Variants in CRYBG1 observed in about 807,000 individuals in gnomAD.
CRYBG1 encodes the protein beta/gamma crystallin domain-containing protein 1.
In CRYBG1, 139 loss-of-function variants were observed where a neutral mutation model predicts 189.2. The ratio of observed to expected loss-of-function variants is 0.73; its 90% CI spans 0.64 to 0.85. The LOEUF is 0.85. Ranked by LOEUF, CRYBG1 falls within the 40% of genes least tolerant of loss-of-function variation. The probability of loss-of-function intolerance (pLI) is 0.00; values close to 1 mark genes in which losing one functional copy is unlikely to be tolerated. For missense variants in CRYBG1, 2,611 were observed against 2,675.8 expected, an observed-to-expected ratio of 0.98 and a Z score of 0.53; for synonymous variants, 1,023 against 1,017.1, an observed-to-expected ratio of 1.01 and a Z score of -0.11.
In CRYBG1 at chr6:106,465,295, A is replaced by G. The variant is rs376875964; in HGVS notation, c.312+13463A>G. 2.0e-5 allele frequency among the ~76,000 whole-genome samples: 3 copies of G among 152,352 alleles called. No homozygotes were observed. The East Asian group carries it at 5.8e-4, about 29-fold the overall frequency. On this transcript the variant is annotated intron_variant, in intron 2 of 21. Coordinates refer to ENST00000633556, the MANE Select transcript of CRYBG1 (RefSeq NM_001371242.2). ...GAAGTATAAAGCACTGAATATGGCC[A>G]AAAGACCAGAGTTGCGATTTCAGCT...
intron 8 of CRYBG1, among the ~76,000 whole-genome samples, chr6:106,534,845 G>T (rs999710091): frequency 6.6e-6 from 1 of 151,956 alleles, no homozygotes; most frequent in Non-Finnish European, 1.5e-5. Context: ...GTGGGGGGTG[G>T]TATATTTATG....
Position 106,512,441 on chromosome 6 carries a change from G to A in CRYBG1, c.1324G>A (p.Ala442Thr), listed in dbSNP as rs771272419. 4 of 1,610,192 alleles carry A rather than the reference G, an allele frequency of 2.5e-6. No individual in the cohort carries two copies. The African/African-American group carries it at 5.3e-5, about 21-fold the overall frequency. Residue 442 changes from alanine to threonine, a missense_variant, in exon 3 of 22, where the codon GCC (alanine) becomes ACC (threonine). Around this residue, in one of 3 missense-constraint regions of CRYBG1, gnomAD observed 985 missense variants for 924.4 expected, o/e 1.07. Coordinates refer to ENST00000633556, the MANE Select transcript of CRYBG1 (RefSeq NM_001371242.2). Reference protein sequence around the residue: ...GADAELPESAARDDAVFDDEV... With the variant: ...GADAELPESATRDDAVFDDEV... ...GGACGCCGAGCTCCCTGAGAGCGCT[G>A]CCAGGGACGACGCGGTGTTCGACGA...
rs564276719 is a variant in CRYBG1, at chr6:106,543,115, C to T, written c.4882-325C>T. On this transcript the variant is annotated intron_variant, in intron 10 of 21. Transcript: ENST00000633556. ...TGACGTGATCTCGGCTCACTTAACC[C>T]TCTGCCTCCTGAGTTCAAGCGGTTC... Among the ~76,000 whole-genome samples, 430 of 151,358 alleles carry T rather than the reference C, an allele frequency of 2.8e-3. 5 individuals carry two copies. Among genetic ancestry groups the T allele is most frequent in the African/African-American group, 9.9e-3 (409 of 41,216 alleles).
rs370373086 is a variant in CRYBG1, at chr6:106,480,992, T to TTTTTTTTTG, written c.312+29160_312+29161insTTTTTTTTG. Among the ~76,000 whole-genome samples the TTTTTTTTTG allele has an allele frequency of 6.6e-5, 2 of 30,334 alleles. 1 individual carries two copies. Among genetic ancestry groups the TTTTTTTTTG allele is most frequent in the African/African-American group, 3.2e-4 (2 of 6,248 alleles). 19.9% of individuals were successfully genotyped at this position (30,334 alleles called of 152,430 possible). On this transcript the variant is annotated intron_variant, in intron 2 of 21. Transcript: ENST00000633556. ...TCTTTTTTTTTTTTTTTTTTTTTTT[T>TTTTTTTTTG]AGACGGAGTCTCGCTCTGTCGCCCA...
chr6:106,482,579 T>G (rs565206980), intron 2 of CRYBG1, among the ~76,000 whole-genome samples: 27 of 152,072 alleles, frequency 1.8e-4, no homozygotes, highest in East Asian at 7.8e-4. Flanking sequence ...ATCGAGACCA[T>G]CCTGGCTAAC....
chr6:106,494,809 T>C lies in CRYBG1; in HGVS notation c.313-16621T>C, dbSNP rs142740431. On this transcript the variant is annotated intron_variant, in intron 2 of 21. Transcript: ENST00000633556. The stretch of plus-strand genomic sequence containing the variant: ...CACATTTTTGTAATGGCACATGGGA[T>C]GTAGTTTGTAGTGTATAATGTATAT... Among the ~76,000 whole-genome samples, 251 of 152,338 alleles carry C rather than the reference T, an allele frequency of 1.6e-3. 1 individual carries two copies. The highest frequency in any genetic ancestry group is 5.8e-3 in the African/African-American group (241 of 41,582).
intron 2 of CRYBG1, among the ~76,000 whole-genome samples, chr6:106,485,105 T>C (rs1414838701): frequency 6.6e-6 from 1 of 152,250 alleles, no homozygotes; most frequent in Non-Finnish European, 1.5e-5. Flanking sequence ...TTTAACAATA[T>C]TATTTCTTCC....
chr6:106,472,742 A>T (rs1465873466), intron 2 of CRYBG1, among the ~76,000 whole-genome samples: 1 of 113,280 alleles, frequency 8.8e-6, no homozygotes, highest in Non-Finnish European at 2.1e-5. Context: ...AAAATATTAA[A>T]AAAAAAAAAA....
chr6:106,365,826 G>A lies in CRYBG1; in HGVS notation c.173+4745G>A, dbSNP rs570392881. Among the ~76,000 whole-genome samples, 55 of 151,864 alleles carry A rather than the reference G, an allele frequency of 3.6e-4. No homozygotes were observed. The South Asian group carries it at 6.3e-3, about 17-fold the overall frequency. On this transcript the variant is annotated intron_variant, in intron 1 of 21. Transcript: ENST00000633556. Reference sequence around the variant, plus strand: ...CTCATAATCCTGTGAAAATCAGCTCGCCTTGTTTCAGTTGGAGGAAAAGTG... The same window carrying A: ...CTCATAATCCTGTGAAAATCAGCTCACCTTGTTTCAGTTGGAGGAAAAGTG...
chr6:106,382,693 T>C (rs950384792), intron 1 of CRYBG1, among the ~76,000 whole-genome samples: 11 of 152,230 alleles, frequency 7.2e-5, no homozygotes, highest in African/African-American at 2.7e-4. Flanking sequence ...TATAATTTTC[T>C]TTCATATTTT....
At chr6:106,538,876 C>G (rs993510639) in intron 8 of CRYBG1, among the ~76,000 whole-genome samples, 1 of 128,646 alleles carries the variant, frequency 7.8e-6, no homozygotes, top group African/African-American at 3.0e-5. Context: ...GCCTGGGTGA[C>G]AGAACAAGAC....
Position 106,558,499 on chromosome 6 carries a change from C to A in CRYBG1, c.5729C>A (p.Pro1910Gln). The part of the protein sequence containing the change: ...LRFIDVEFSE[P>Q]TIILFEREDF... ...GTTCCTCAACAGGAATTTTCTGAAC[C>A]AACAATTATTCTCTTTGAAAGAGAA... Residue 1910 changes from proline (P) to glutamine (Q), a missense_variant, in exon 18 of 22, where the codon CCA becomes CAA. Around this residue, in one of 3 missense-constraint regions of CRYBG1, gnomAD observed 1,622 missense variants for 1,735.0 expected, o/e 0.93. Transcript: ENST00000633556. The A allele has an allele frequency of 6.3e-7, 1 of 1,593,342 alleles. No individual in the cohort carries two copies. The highest frequency in any genetic ancestry group is 1.8e-5 in the Admixed American group (1 of 56,730).
In CRYBG1 at chr6:106,415,190, T is replaced by C. The variant is rs142424028; in HGVS notation, c.174-36504T>C. Among the ~76,000 whole-genome samples, 278 of 152,336 alleles carry C rather than the reference T, an allele frequency of 1.8e-3. 1 individual carries two copies. The highest frequency in any genetic ancestry group is 0.011 in the East Asian group (58 of 5,192). Reference sequence around the variant, plus strand: ...TCAGCTTCTTACTCGAATAAAATAATATGTTTCTCATGAAGATACATGTTT... The same window carrying C: ...TCAGCTTCTTACTCGAATAAAATAACATGTTTCTCATGAAGATACATGTTT... On this transcript the variant is annotated intron_variant, in intron 1 of 21. Transcript: ENST00000633556.
In CRYBG1 at chr6:106,527,381, C is replaced by G; in HGVS notation, c.4489C>G (p.Leu1497Val). Residue 1497 changes from leucine (L) to valine (V), a missense_variant, in exon 7 of 22, where the codon CTC (leucine) becomes GTC (valine). Physicochemically the swap from Leu to Val is conservative, Grantham distance 32. Around this residue, in one of 3 missense-constraint regions of CRYBG1, gnomAD observed 1,622 missense variants for 1,735.0 expected, o/e 0.93. Coordinates refer to ENST00000633556, the MANE Select transcript of CRYBG1 (RefSeq NM_001371242.2). ...LEEGELELSG[L>V]WGIEDILERH... ...AGAAGGAGAATTGGAACTCTCTGGT[C>G]TCTGGGGTATAGAAGACATTTTGGA... 2.5e-6 allele frequency: 4 copies of G among 1,613,754 alleles called. No individual in the cohort carries two copies. Among genetic ancestry groups the G allele is most frequent in the Non-Finnish European group, 3.4e-6 (4 of 1,179,804 alleles).
chr6:106,512,587 C>A lies in CRYBG1; in HGVS notation c.1470C>A (p.Pro490=). The change falls in exon 3 of 22, where the codon CCC becomes CCA. Residue 490 remains proline (P), a synonymous_variant. Transcript: ENST00000633556. ...CGAGCCCAGAGTCCAAGCCCAGCCC[C>A]GGTACCAAAGGGCAGCTCCGAGGGG... ...SAASPESKPS[P]GTKGQLRGES... is the part of the protein sequence containing the mutation. 6.2e-7 allele frequency: 1 copy of A among 1,605,574 alleles called. No homozygotes were observed. The highest frequency in any genetic ancestry group is 8.5e-7 in the Non-Finnish European group (1 of 1,176,810).
chr6:106,408,546 A>G (rs1770866221), intron 1 of CRYBG1, among the ~76,000 whole-genome samples: 1 of 152,210 alleles, frequency 6.6e-6, no homozygotes, highest in Non-Finnish European at 1.5e-5. Flanking sequence ...TCCTGATACC[A>G]AAAGCTGGCA....
chr6:106,440,707 T>C (rs1771552867), intron 1 of CRYBG1, among the ~76,000 whole-genome samples: 2 of 152,258 alleles, frequency 1.3e-5, no homozygotes, highest in Admixed American at 1.3e-4. Flanking sequence ...TGAATCTTGA[T>C]GTGAAATTAG....
chr6:106,464,752 T>G (rs75483900), intron 2 of CRYBG1, among the ~76,000 whole-genome samples: 1,719 of 152,264 alleles, frequency 0.011, 31 homozygotes, highest in African/African-American at 0.039. Context: ...ACCTTTGCCT[T>G]AAATAACTAA....
intron 1 of CRYBG1, among the ~76,000 whole-genome samples, chr6:106,376,992 G>T (rs539633224): frequency 3.9e-5 from 6 of 152,290 alleles, no homozygotes; most frequent in Non-Finnish European, 7.4e-5. Flanking sequence ...CTGGAACAGA[G>T]AAAAAGGAGC....
Sources: allele counts gnomAD v4.1 joint callset (sites outside exome capture counted in the v4.1 genomes callset), GRCh38; gene constraint gnomAD v4.1.1; regional missense constraint gnomAD v4.1.1; transcripts MANE v1.5; gene names NCBI Gene and HGNC (gene_info 2026-07-23, HGNC 2026-07-21).